The following ATM variants were observed in gnomAD, a reference collection of about 807,000 sequenced individuals.
ATM encodes the protein ATM serine/threonine kinase, also known as serine-protein kinase ATM.
In ATM, 308 loss-of-function variants were observed where a neutral mutation model predicts 387.0. The observed-to-expected ratio is 0.80, with a 90% CI of 0.73 to 0.87. ATM has a LOEUF of 0.87. ATM is among the 40% of genes least tolerant of loss of function. The pLI, the probability that ATM is intolerant of heterozygous loss-of-function variation, is 0.00. For synonymous variants in ATM, 1,156 were observed against 1,187.3 expected, an observed-to-expected ratio of 0.97 and a Z score of 0.54; for missense variants, 3,312 against 3,560.9, an observed-to-expected ratio of 0.93 and a Z score of 1.78.
chr11:108,299,954 A>T, intron 34 of ATM, 69 bp downstream of exon 34: 1 of 1,421,088 alleles, frequency 7.0e-7, no homozygotes, highest in South Asian at 1.2e-5. Flanking sequence ...CTTCACACAA[A>T]TAGATATTCT....
At chr11:108,232,543 T>C (rs923415695) in intron 4 of ATM, among the ~76,000 whole-genome samples, 39 of 136,098 alleles carry the variant, frequency 2.9e-4, no homozygotes, top group Non-Finnish European at 5.5e-4. Flanking sequence ...TTTTTTTTTT[T>C]TTTTTTTTTT....
In ATM at chr11:108,317,408, C is replaced by T. The variant is rs569483748; in HGVS notation, c.6234C>T (p.Ser2078=). The T allele has an allele frequency of 8.4e-5, 136 of 1,611,662 alleles. No individual in the cohort carries two copies. The highest frequency in any genetic ancestry group is 1.7e-4 in the Middle Eastern group (1 of 6,052). Residue 2078 remains serine, a synonymous_variant, in exon 43 of 63, where the codon TCC becomes TCT. Transcript: ENST00000675843. ...LQNLGLCHIL[S]VYLKGLDYEN... is the part of the protein sequence containing the mutation. Reference sequence around the variant, plus strand: ...ATTTGGGACTCTGCCATATTCTTTCCGTCTATTTAAAAGGATTGGATTATG... The same window carrying T: ...ATTTGGGACTCTGCCATATTCTTTCTGTCTATTTAAAAGGATTGGATTATG...
At chr11:108,298,575 G>A (rs913426108) in intron 33 of ATM, among the ~76,000 whole-genome samples, 8 of 152,180 alleles carry the variant, frequency 5.3e-5, no homozygotes, top group Non-Finnish European at 1.2e-4. Context: ...TGGCTTTCCT[G>A]TGTAGCATAA....
chr11:108,233,967 T>C (rs921772995), intron 4 of ATM, among the ~76,000 whole-genome samples: 5 of 152,244 alleles, frequency 3.3e-5, no homozygotes, highest in Non-Finnish European at 5.9e-5. Flanking sequence ...TATTATAATA[T>C]TAATTTCTGT....
In ATM at chr11:108,292,697, C is replaced by T. The variant is rs540798997; in HGVS notation, c.4515C>T (p.Ala1505=). The T allele has an allele frequency of 1.1e-5, 18 of 1,613,790 alleles. No individual in the cohort carries two copies. Among genetic ancestry groups the T allele is most frequent in the South Asian group, 9.9e-5 (9 of 91,068 alleles). Residue 1505 remains alanine (A), a synonymous_variant, in exon 30 of 63, where the codon GCC becomes GCT. Transcript: ENST00000675843. ...TATTAAGTCAGGTTTGCCAGACAGC[C>T]GTGACTTACTGTAAGGATGCTCTAG... The part of the protein sequence containing the change: ...CDLLSQVCQT[A]VTYCKDALEN...
chr11:108,237,460 TCTTA>T (rs989467045), intron 5 of ATM, among the ~76,000 whole-genome samples: 3 of 152,100 alleles, frequency 2.0e-5, no homozygotes, highest in Non-Finnish European at 2.9e-5. Context: ...AACTAACTAC[TCTTA>T]CTTCTTTTTT....
At chr11:108,323,193 A>G (rs956156413) in intron 45 of ATM, among the ~76,000 whole-genome samples, 7 of 152,380 alleles carry the variant, frequency 4.6e-5, no homozygotes, top group African/African-American at 7.2e-5. Flanking sequence ...TCAAAATGAC[A>G]TAGCAGAAGA....
At position 108,296,808 on chromosome 11, in the gene ATM, T is replaced by C. The variant is rs545509858; in HGVS notation, c.4910-479T>C. ...TGAAATTTGAAGTTCAGTTTTTTCA[T>C]TGGTACTGAACACATATCAAGTTCT... On this transcript the variant is annotated intron_variant, in intron 32 of 62. Coordinates refer to ENST00000675843, the MANE Select transcript of ATM (RefSeq NM_000051.4). 2.0e-5 allele frequency among the ~76,000 whole-genome samples: 3 copies of C among 152,356 alleles called. No homozygotes were observed. The East Asian group carries it at 5.8e-4, about 29-fold the overall frequency.
chr11:108,260,995 G>A (rs1355132410), intron 16 of ATM, among the ~76,000 whole-genome samples: 1 of 152,098 alleles, frequency 6.6e-6, no homozygotes, highest in African/African-American at 2.4e-5. Flanking sequence ...CTACGCCCAC[G>A]GAGTCTCGCT....
chr11:108,292,861 GT>G (rs2135804393), intron 30 of ATM, 68 bp downstream of exon 30: 2 of 1,548,714 alleles, frequency 1.3e-6, no homozygotes, highest in East Asian at 2.3e-5. Flanking sequence ...GGATTTGAGT[GT>G]TTTATGTTTA....
rs1040197895 is a variant in ATM at position 108,227,870 on chromosome 11, A to C, written c.167A>C (p.Asn56Thr). The C allele has an allele frequency of 6.2e-7, 1 of 1,612,388 alleles. No homozygotes were observed. Among genetic ancestry groups the C allele is most frequent in the Non-Finnish European group, 8.5e-7 (1 of 1,179,342 alleles). The change falls in exon 3 of 63, where the codon AAT (asparagine) becomes ACT (threonine). Residue 56 changes from asparagine (N) to threonine (T), a missense_variant. Coordinates refer to ENST00000675843, the MANE Select transcript of ATM (RefSeq NM_000051.4). ...HSDSKQGKYL[N>T]WDAVFRFLQK... ...GATTCCAAACAAGGAAAATATTTGAATTGGGATGCTGTTTTTAGGTATTCT... is the reference window on the plus strand; with the variant it reads ...GATTCCAAACAAGGAAAATATTTGACTTGGGATGCTGTTTTTAGGTATTCT...
chr11:108,340,118 T>C (rs930991607), intron 56 of ATM: 4 of 152,144 alleles, frequency 2.6e-5, no homozygotes, highest in African/African-American at 9.6e-5. Context: ...TGGTACCACC[T>C]TCACTTGGTT....
Position 108,256,293 on chromosome 11 carries a change from A to G in ATM, c.2203A>G (p.Ile735Val). ...TGGCTGCTACTGTTACATGGGTGTA[A>G]TAGCTGAAGAGGAAGCATATAAGTC... ...VLGCYCYMGV[I>V]AEEEAYKSEL... is the part of the protein sequence containing the mutation. Residue 735 changes from isoleucine to valine, a missense_variant, in exon 14 of 63, where the codon ATA (isoleucine) becomes GTA (valine). Coordinates refer to ENST00000675843, the MANE Select transcript of ATM (RefSeq NM_000051.4). 1 of 1,611,406 alleles carries G rather than the reference A, an allele frequency of 6.2e-7. No homozygotes were observed. Among genetic ancestry groups the G allele is most frequent in the Non-Finnish European group, 8.5e-7 (1 of 1,178,270 alleles).
chr11:108,362,054 C>G (rs1591367347), intron 61 of ATM, among the ~76,000 whole-genome samples: 1 of 133,794 alleles, frequency 7.5e-6, no homozygotes, highest in African/African-American at 2.8e-5. Context: ...ACTCATCTGA[C>G]AAAGGGCTAA....
intron 15 of ATM, among the ~76,000 whole-genome samples, chr11:108,258,632 G>C (rs1376723011): frequency 6.6e-6 from 1 of 152,084 alleles, no homozygotes; most frequent in East Asian, 1.9e-4. Flanking sequence ...CTAGTATTAG[G>C]TACATGGCCA....
At chr11:108,223,476 A>G (rs1036792554) in intron 1 of ATM, 1 of 151,942 alleles carries the variant, frequency 6.6e-6, no homozygotes, top group East Asian at 1.9e-4. Context: ...TCATCTTTTG[A>G]TCTCTCTCTC....
chr11:108,332,959 A>G (rs914053818), intron 53 of ATM, 59 bp downstream of exon 53: 129 of 1,564,334 alleles, frequency 8.2e-5, no homozygotes, highest in Non-Finnish European at 1.1e-4. Flanking sequence ...CTGTAGAGAT[A>G]TATTAGTTAT....
At chr11:108,276,834 C>T (rs1198374554) in intron 22 of ATM, among the ~76,000 whole-genome samples, 1 of 152,140 alleles carries the variant, frequency 6.6e-6, no homozygotes, top group Admixed American at 6.5e-5. Context: ...AGTCAGGAGG[C>T]ACGGGGGTCA....
Position 108,335,232 on chromosome 11 carries a change from T to C in ATM, c.8151+123T>C, listed in dbSNP as rs533332897. 20 of 1,558,182 alleles carry C rather than the reference T, an allele frequency of 1.3e-5. No individual in the cohort carries two copies. In the South Asian group the frequency reaches 1.8e-4, roughly 14 times the overall value. Reference sequence around the variant, plus strand: ...TTTGAATACTTACAAATGAGGAAGATTTGTAGAGTAGAAATGCATTATTTT... The same window carrying C: ...TTTGAATACTTACAAATGAGGAAGACTTGTAGAGTAGAAATGCATTATTTT... On this transcript the variant is annotated intron_variant, in intron 55 of 62. Transcript: ENST00000675843.
Sources: allele counts gnomAD v4.1 joint callset (sites outside exome capture counted in the v4.1 genomes callset), GRCh38; gene constraint gnomAD v4.1.1; transcripts MANE v1.5; gene names NCBI Gene and HGNC (gene_info 2026-07-23, HGNC 2026-07-21).